Variants in SAMD4A observed in about 807,000 individuals in gnomAD.
SAMD4A encodes protein Smaug homolog 1.
SAMD4A carries 33 observed loss-of-function variants against 81.3 expected under a neutral mutation model. The observed-to-expected ratio is 0.41, with a 90% confidence interval of 0.31 to 0.54. SAMD4A has a LOEUF of 0.54. SAMD4A is among the 20% of genes least tolerant of loss of function. The pLI is 0.37. For missense variants in SAMD4A, 854 were observed against 951.1 expected (o/e 0.90, Z 1.34); for synonymous variants, 389 against 382.1 (o/e 1.02, Z -0.21).
chr14:54,781,396 T>C (rs986035147), intron 11 of SAMD4A, among the ~76,000 whole-genome samples: 1 of 152,196 alleles, frequency 6.6e-6, no homozygotes, highest in Non-Finnish European at 1.5e-5. Context: ...TCTTCCGGAA[T>C]CTTCTTGACC....
At chr14:54,606,590 T>C (rs2034212429) in intron 2 of SAMD4A, among the ~76,000 whole-genome samples, 1 of 152,226 alleles carries the variant, frequency 6.6e-6, no homozygotes. Flanking sequence ...CTCCATGTTC[T>C]AGAAATCATC....
intron 2 of SAMD4A, among the ~76,000 whole-genome samples, chr14:54,664,877 T>C (rs1054681751): frequency 1.1e-4 from 16 of 152,014 alleles, no homozygotes; most frequent in African/African-American, 3.6e-4. Flanking sequence ...GCTTTAATTT[T>C]TTAAAGTGTG....
chr14:54,776,780 A>G (rs1360984796), intron 11 of SAMD4A, among the ~76,000 whole-genome samples: 1 of 152,132 alleles, frequency 6.6e-6, no homozygotes, highest in Non-Finnish European at 1.5e-5. Context: ...GATACTAGTC[A>G]TATTTCTAGA....
chr14:54,745,525 C>T (rs922905776), intron 4 of SAMD4A, among the ~76,000 whole-genome samples: 4 of 152,150 alleles, frequency 2.6e-5, no homozygotes, highest in African/African-American at 7.2e-5. Flanking sequence ...GTATACTCAG[C>T]GCTTGTCCTA....
intron 2 of SAMD4A, among the ~76,000 whole-genome samples, chr14:54,690,730 A>G (rs1458295882): frequency 6.6e-6 from 1 of 152,216 alleles, no homozygotes; most frequent in East Asian, 1.9e-4. Flanking sequence ...TGATAGATTA[A>G]TAAATACAAC....
chr14:54,609,814 T>C lies in SAMD4A; in HGVS notation c.196+41702T>C, dbSNP rs560478890. 2.6e-5 allele frequency among the ~76,000 whole-genome samples: 4 copies of C among 152,350 alleles called. 1 individual carries two copies. The South Asian group carries it at 8.3e-4, about 32-fold the overall frequency. Reference sequence around the variant, plus strand: ...TGACAGCAAAAGTTAGCAATCTTGTTACAGTATTAAAACTTGCTTACAGGA... The same window carrying C: ...TGACAGCAAAAGTTAGCAATCTTGTCACAGTATTAAAACTTGCTTACAGGA... On this transcript the variant is annotated intron_variant, in intron 2 of 12. Coordinates refer to ENST00000554335, the MANE Select transcript of SAMD4A (RefSeq NM_015589.6).
intron 2 of SAMD4A, among the ~76,000 whole-genome samples, chr14:54,670,842 A>C (rs2140512011): frequency 6.6e-6 from 1 of 152,378 alleles, no homozygotes; most frequent in South Asian, 2.1e-4. Context: ...TACCAATAGC[A>C]GCTAAAATTG....
chr14:54,687,379 C>A, intron 2 of SAMD4A: 1 of 456,518 alleles, frequency 2.2e-6, no homozygotes, highest in South Asian at 1.5e-5. Context: ...TGCTGATTTT[C>A]CTTGAAGAAT....
At chr14:54,702,751 C>T (rs2036753000) in intron 3 of SAMD4A, 171 bp downstream of exon 3, 1 of 758,424 alleles carries the variant, frequency 1.3e-6, no homozygotes, top group Admixed American at 2.7e-5. Context: ...TGCTCTTTGA[C>T]TCTGCAAAGA....
intron 2 of SAMD4A, among the ~76,000 whole-genome samples, chr14:54,631,623 C>G (rs1185582384): frequency 3.3e-5 from 5 of 152,148 alleles, no homozygotes; most frequent in Non-Finnish European, 5.9e-5. Context: ...TTTCCTTTTA[C>G]TGAATCAATA....
chr14:54,589,268 G>T (rs2033710196), intron 2 of SAMD4A, among the ~76,000 whole-genome samples: 1 of 152,160 alleles, frequency 6.6e-6, no homozygotes, highest in African/African-American at 2.4e-5. Flanking sequence ...TGGAGATGAG[G>T]ATGGAAACAG....
At chr14:54,746,479 G>A (rs2037970956) in intron 4 of SAMD4A, among the ~76,000 whole-genome samples, 1 of 152,176 alleles carries the variant, frequency 6.6e-6, no homozygotes, top group Non-Finnish European at 1.5e-5. Flanking sequence ...CTAAATGAAT[G>A]AGGCCAGCTC....
chr14:54,785,000 C>T (rs1174964659), intron 12 of SAMD4A, among the ~76,000 whole-genome samples: 4 of 152,186 alleles, frequency 2.6e-5, no homozygotes, highest in Non-Finnish European at 5.9e-5. Flanking sequence ...AGGAATATCC[C>T]GCACAACACT....
intron 2 of SAMD4A, among the ~76,000 whole-genome samples, chr14:54,606,740 A>G (rs2034216443): frequency 1.3e-5 from 2 of 152,260 alleles, no homozygotes; most frequent in African/African-American, 4.8e-5. Context: ...TTAGCAAGCT[A>G]CATGGTATGT....
intron 11 of SAMD4A, among the ~76,000 whole-genome samples, chr14:54,783,368 T>G (rs749015518): frequency 2.0e-4 from 31 of 152,150 alleles, no homozygotes; most frequent in Non-Finnish European, 3.8e-4. Flanking sequence ...AAGTCGCCAC[T>G]GGATGAGGCC....
chr14:54,678,684 G>T (rs1380951348), intron 2 of SAMD4A, among the ~76,000 whole-genome samples: 21 of 151,974 alleles, frequency 1.4e-4, no homozygotes, highest in Non-Finnish European at 2.9e-5. Flanking sequence ...GAGTAGCTGG[G>T]ACTACAGGCG....
chr14:54,733,091 G>C (rs1263535216), intron 3 of SAMD4A, among the ~76,000 whole-genome samples: 3 of 152,134 alleles, frequency 2.0e-5, no homozygotes, highest in Non-Finnish European at 4.4e-5. Flanking sequence ...AAAATCATTA[G>C]GTTAGATGAG....
In SAMD4A at chr14:54,567,340, T is replaced by TGCGGAGGGG. The variant is rs938324301; in HGVS notation, c.-422+16_-422+24dup. 4 of 152,574 alleles carry TGCGGAGGGG rather than the reference T, an allele frequency of 2.6e-5. No individual in the cohort carries two copies. The highest frequency in any genetic ancestry group is 4.8e-5 in the African/African-American group (2 of 41,464). The allele number at this position is 152,574 out of a possible 1,614,324, so 9.5% of individuals were successfully genotyped here. Reference sequence around the variant, plus strand: ...GGAATAGCCCATCTCCCACATCGGGTGCGGAGGGGGCGGAGGGGGCGGCTG... The same window carrying TGCGGAGGGG: ...GGAATAGCCCATCTCCCACATCGGGTGCGGAGGGGGCGGAGGGGGCGGAGGGGGCGGCTG... On this transcript the variant is annotated splice_region_variant and intron_variant, in intron 1 of 12. Transcript: ENST00000554335.
intron 3 of SAMD4A, among the ~76,000 whole-genome samples, chr14:54,707,590 G>T (rs905648564): frequency 2.0e-5 from 3 of 152,102 alleles, no homozygotes; most frequent in East Asian, 1.9e-4. Context: ...TATATGTGTG[G>T]TAGAAGATGA....
Sources: allele counts gnomAD v4.1 joint callset (sites outside exome capture counted in the v4.1 genomes callset), GRCh38; gene constraint gnomAD v4.1.1; transcripts MANE v1.5; gene names NCBI Gene and HGNC (gene_info 2026-07-23, HGNC 2026-07-21).